MTR: variants seen among roughly 807,000 people sequenced by gnomAD.
The protein encoded by MTR is 5-methyltetrahydrofolate-homocysteine methyltransferase.
MTR carries 84 observed loss-of-function variants against 154.8 expected under a neutral mutation model. The ratio of observed to expected loss-of-function variants is 0.54; its 90% CI spans 0.45 to 0.65. MTR has a LOEUF of 0.65. Among genes scored for constraint, MTR ranks in the 30% least tolerant of loss-of-function variants. The pLI is 0.00. For synonymous variants in MTR, 554 were observed against 553.9 expected, an observed-to-expected ratio of 1.00 and a Z score of 0.00; for missense variants, 1,275 against 1,570.2, an observed-to-expected ratio of 0.81 and a Z score of 3.18.
rs1349129209 is a variant in MTR at position 236,880,816 on chromosome 1, G to A, written c.2656G>A (p.Ala886Thr). The A allele has an allele frequency of 1.2e-6, 2 of 1,614,110 alleles. No homozygotes were observed. The highest frequency in any genetic ancestry group is 1.7e-6 in the Non-Finnish European group (2 of 1,180,004). ...TGCACCTGTAATCCATGTCCTGGAC[G>A]CGTCCAAGAGTGTGGTGGTGGTAAG... is the stretch of plus-strand genomic sequence containing the variant. ...YSAPVIHVLD[A>T]SKSVVVCSQL... Residue 886 changes from alanine (A) to threonine (T), a missense_variant, in exon 25 of 33, where the codon GCG (alanine) becomes ACG (threonine). Ala to Thr is a moderately conservative substitution (Grantham distance 58). Coordinates refer to ENST00000366577, the MANE Select transcript of MTR (RefSeq NM_000254.3).
intron 1 of MTR, among the ~76,000 whole-genome samples, chr1:236,798,002 T>C (rs1389985840): frequency 6.7e-6 from 1 of 149,272 alleles, no homozygotes; most frequent in Non-Finnish European, 1.5e-5. Context: ...AAAAACAAAG[T>C]GTAGCAAGTC....
At chr1:236,896,904 T>G in intron 31 of MTR, 102 bp from the exon 32 acceptor site, 1 of 857,834 alleles carries the variant, frequency 1.2e-6, no homozygotes. Context: ...TGAGCTCGCT[T>G]TGGTTCACTT....
chr1:236,903,127 T>TTAAAAAA lies in MTR; in HGVS notation c.*5497_*5503dup, dbSNP rs1233437583. ...CCAGCCTGTGCTGAGACCTCATCTC[T>TTAAAAAA]TAAAAAATAAAAAATAAAAAGTCTA... On this transcript the variant is annotated 3_prime_UTR_variant, in exon 33 of 33. Coordinates refer to ENST00000366577, the MANE Select transcript of MTR (RefSeq NM_000254.3). 6.6e-6 allele frequency: 1 copy of TTAAAAAA among 152,068 alleles called. No individual in the cohort carries two copies. The allele number at this position is 152,068 out of a possible 1,614,324, so 9.4% of individuals were successfully genotyped here. A position where few individuals can be genotyped will look rare whatever the true frequency, so the allele number is the denominator to read the frequency against.
rs759488694 is a variant in MTR, at chr1:236,829,193, A to G, written c.1000A>G (p.Ile334Val). ...CGSTPDHIRE[I>V]AEAVKNCKPR... ...ATGTTTCCTCTTTCAACTCAGGGAA[A>G]TTGCTGAAGCTGTGAAAAATTGTAA... is the stretch of plus-strand genomic sequence containing the variant. The change falls in exon 12 of 33, where the codon ATT becomes GTT. Residue 334 changes from isoleucine to valine, a missense_variant. Ile to Val is a conservative substitution (Grantham distance 29). Transcript: ENST00000366577. 1.9e-6 allele frequency: 3 copies of G among 1,612,944 alleles called. No individual in the cohort carries two copies. Among genetic ancestry groups the G allele is most frequent in the East Asian group, 2.2e-5 (1 of 44,852 alleles).
intron 16 of MTR, among the ~76,000 whole-genome samples, 164 bp downstream of exon 16, chr1:236,850,687 G>A (rs1332079700): frequency 1.3e-5 from 2 of 151,586 alleles, no homozygotes; most frequent in South Asian, 2.1e-4. Context: ...TTTTTCTTTA[G>A]TAGAGTTTTA....
At chr1:236,867,008 G>A (rs896933129) in intron 22 of MTR, among the ~76,000 whole-genome samples, 9 of 152,210 alleles carry the variant, frequency 5.9e-5, no homozygotes, top group Non-Finnish European at 1.3e-4. Context: ...AGGTGCTGAT[G>A]GAGAAGCTGC....
chr1:236,822,940 G>A (rs932514927), intron 8 of MTR, among the ~76,000 whole-genome samples: 3 of 152,122 alleles, frequency 2.0e-5, no homozygotes, highest in African/African-American at 7.2e-5. Context: ...AGTTTCACAT[G>A]ATTAAGCATG....
intron 6 of MTR, among the ~76,000 whole-genome samples, chr1:236,815,187 CAG>C (rs1186671207): frequency 6.6e-6 from 1 of 152,154 alleles, no homozygotes; most frequent in African/African-American, 2.4e-5. Flanking sequence ...ATTTTTGAGA[CAG>C]AGTCTTGTTC....
Position 236,810,594 on chromosome 1 carries a change from C to T in MTR, c.501C>T (p.Ile167=). Residue 167 remains isoleucine, a splice_region_variant and synonymous_variant, in exon 5 of 33, where the codon ATC becomes ATT. Coordinates refer to ENST00000366577, the MANE Select transcript of MTR (RefSeq NM_000254.3). The part of the protein sequence containing the change: ...PSVERPDYRN[I]TFDELVEAYQ... ...TGGAAAGGCCGGATTATAGGAACATCAGTGAGTATTTACCACATATAATCA... is the reference window on the plus strand; with the variant it reads ...TGGAAAGGCCGGATTATAGGAACATTAGTGAGTATTTACCACATATAATCA... 6.2e-7 allele frequency: 1 copy of T among 1,610,856 alleles called. No individual in the cohort carries two copies. Among genetic ancestry groups the T allele is most frequent in the Non-Finnish European group, 8.5e-7 (1 of 1,177,196 alleles).
intron 11 of MTR, among the ~76,000 whole-genome samples, chr1:236,827,618 G>A (rs1662364973): frequency 6.6e-6 from 1 of 152,188 alleles, no homozygotes; most frequent in Non-Finnish European, 1.5e-5. Context: ...GGAGGGAAAA[G>A]ACGATAAGAC....
intron 23 of MTR, among the ~76,000 whole-genome samples, chr1:236,874,335 G>A (rs962698481): frequency 6.6e-6 from 1 of 152,108 alleles, no homozygotes; most frequent in Non-Finnish European, 1.5e-5. Flanking sequence ...GGCATTTTGG[G>A]AGGCTGAGGC....
intron 18 of MTR, among the ~76,000 whole-genome samples, chr1:236,858,302 A>C (rs1664319037): frequency 6.6e-6 from 1 of 152,196 alleles, no homozygotes; most frequent in Non-Finnish European, 1.5e-5. Context: ...ACCCCTTTAT[A>C]AAACCATTAG....
chr1:236,828,256 T>C (rs61831815), intron 11 of MTR, among the ~76,000 whole-genome samples: 53,386 of 152,084 alleles, frequency 0.35, 10,148 homozygotes, highest in Non-Finnish European at 0.41. Context: ...GGATTACATG[T>C]GTGAGCCACC....
chr1:236,830,568 A>G (rs1207811617), intron 12 of MTR, among the ~76,000 whole-genome samples: 2 of 152,256 alleles, frequency 1.3e-5, no homozygotes, highest in Non-Finnish European at 2.9e-5. Flanking sequence ...TATAAATCAC[A>G]AACTTGAGAG....
At chr1:236,809,098 A>T (rs988948151) in intron 4 of MTR, among the ~76,000 whole-genome samples, 1 of 152,210 alleles carries the variant, frequency 6.6e-6, no homozygotes, top group Non-Finnish European at 1.5e-5. Context: ...GCACATCATC[A>T]TGTCATTAAA....
intron 13 of MTR, among the ~76,000 whole-genome samples, chr1:236,833,688 A>G (rs1218937638): frequency 6.6e-6 from 1 of 152,222 alleles, no homozygotes; most frequent in African/African-American, 2.4e-5. Flanking sequence ...TGGAAAGAAC[A>G]TTGACCTGAA....
chr1:236,795,542 CCG>C lies in MTR; in HGVS notation c.-160_-159del. 6.5e-7 allele frequency: 1 copy of C among 1,535,142 alleles called. No individual in the cohort carries two copies. Among genetic ancestry groups the C allele is most frequent in the South Asian group, 1.2e-5 (1 of 84,416 alleles). ...CTAGGGCGCTGCGGGCTTTCGGGGT[CCG>C]CAGTCCCCCCGCGACGCGAGCCAAC... On this transcript the variant is annotated 5_prime_UTR_variant, in exon 1 of 33. Transcript: ENST00000366577.
At chr1:236,805,827 A>G (rs537558026) in intron 2 of MTR, among the ~76,000 whole-genome samples, 5 of 152,278 alleles carry the variant, frequency 3.3e-5, no homozygotes, top group African/African-American at 9.6e-5. Flanking sequence ...GCATATAGCT[A>G]CCCTGTGAAG....
rs1433527954 is a variant in MTR, at chr1:236,900,179, A to G, written c.*2535A>G. The G allele has an allele frequency of 4.9e-6, 2 of 408,374 alleles. No homozygotes were observed. Among genetic ancestry groups the G allele is most frequent in the Non-Finnish European group, 9.8e-6 (2 of 203,982 alleles). 25.3% of individuals were successfully genotyped at this position (408,374 alleles called of 1,614,324 possible). A position where few individuals can be genotyped will look rare whatever the true frequency, so the allele number is the denominator to read the frequency against. On this transcript the variant is annotated 3_prime_UTR_variant, in exon 33 of 33. Coordinates refer to ENST00000366577, the MANE Select transcript of MTR (RefSeq NM_000254.3). Reference sequence around the variant, plus strand: ...AGTGAAATGTATGTCTGTCTACAGGAAAATAGGTGAATAATTAGATATATA... The same window carrying G: ...AGTGAAATGTATGTCTGTCTACAGGGAAATAGGTGAATAATTAGATATATA...
Sources: gnomAD v4.1 joint callset for allele counts (sites outside exome capture counted in the v4.1 genomes callset) on GRCh38, gnomAD v4.1.1 for gene constraint, MANE v1.5 for transcripts, NCBI Gene and HGNC (gene_info 2026-07-23, HGNC 2026-07-21) for gene names.